RPL38: variants seen among roughly 807,000 people sequenced by gnomAD.
RPL38 encodes the protein ribosomal protein L38, also known as large ribosomal subunit protein eL38.
RPL38 carries 2 observed loss-of-function variants against 12.8 expected under a neutral mutation model. The ratio of observed to expected loss-of-function variants is 0.16; its 90% CI spans 0.06 to 0.49. The LOEUF (loss-of-function observed/expected upper bound fraction) is 0.49, where lower values mean the gene tolerates loss of function less well. Among genes scored for constraint, RPL38 ranks in the 20% least tolerant of loss-of-function variants. RPL38 has a pLI of 0.96. For missense variants in RPL38, 52 were observed against 79.8 expected, an observed-to-expected ratio of 0.65 and a Z score of 1.33; for synonymous variants, 42 against 30.1, an observed-to-expected ratio of 1.39 and a Z score of -1.29.
intron 3 of RPL38, among the ~76,000 whole-genome samples, chr17:74,208,725 A>G (rs1163304546): frequency 1.3e-5 from 2 of 152,196 alleles, no homozygotes; most frequent in Non-Finnish European, 2.9e-5. Flanking sequence ...CACGAGGTCC[A>G]GAGATTAAGA....
chr17:74,204,051 G>A (rs771521985), intron 2 of RPL38, 79 bp from the exon 3 acceptor site: 6 of 1,609,136 alleles, frequency 3.7e-6, no homozygotes, highest in Admixed American at 1.7e-5. Flanking sequence ...TCCTGAGGCC[G>A]GGAGAAGCTG....
rs149930757 is a variant in RPL38 at position 74,209,890 on chromosome 17, G to A, written c.*61G>A. ...ATACTAAAAATCCTAAGTGTCTTTCGTCTTTGCGGATGGGAAAGGGAAAAA... is the reference window on the plus strand; with the variant it reads ...ATACTAAAAATCCTAAGTGTCTTTCATCTTTGCGGATGGGAAAGGGAAAAA... On this transcript the variant is annotated 3_prime_UTR_variant, in exon 5 of 5. Transcript: ENST00000311111. 1.4e-4 allele frequency: 203 copies of A among 1,452,316 alleles called. No individual in the cohort carries two copies. The African/African-American group carries it at 2.4e-3, about 17-fold the overall frequency. 90.0% of individuals were successfully genotyped at this position (1,452,316 alleles called of 1,614,324 possible).
Position 74,204,165 on chromosome 17 carries a change from C to T in RPL38, c.39C>T (p.Leu13=), listed in dbSNP as rs149248512. ...RKIEEIKDFL[L]TARRKDAKSV... is the part of the protein sequence containing the mutation. The stretch of plus-strand genomic sequence containing the variant: ...TTGAGGAAATCAAGGACTTCCTGCT[C>T]ACAGCCCGACGAAAGGATGCCAAAT... The change falls in exon 3 of 5, where the codon CTC becomes CTT. Residue 13 remains leucine, a synonymous_variant. Transcript: ENST00000311111. 4,823 of 1,614,114 alleles carry T rather than the reference C, an allele frequency of 3.0e-3. 11 individuals carry two copies. Among genetic ancestry groups the T allele is most frequent in the East Asian group, 5.2e-3 (235 of 44,866 alleles).
At chr17:74,204,087 G>A in intron 2 of RPL38, 43 bp from the exon 3 acceptor site, 1 of 1,612,710 alleles carries the variant, frequency 6.2e-7, no homozygotes, top group Non-Finnish European at 8.5e-7. Flanking sequence ...GCCGGGAGAC[G>A]TGTCTCTTTC....
chr17:74,205,917 G>A (rs948462048), intron 3 of RPL38: 1 of 152,188 alleles, frequency 6.6e-6, no homozygotes, highest in Non-Finnish European at 1.5e-5. Flanking sequence ...CTACTCAGGA[G>A]GCTGAGGCAG....
intron 3 of RPL38, 200 bp downstream of exon 3, chr17:74,204,390 A>G (rs2050091729): frequency 6.8e-6 from 4 of 588,198 alleles, no homozygotes; most frequent in Non-Finnish European, 1.2e-5. Context: ...TTCTAGGACC[A>G]TCTTTAGCTA....
Position 74,209,250 on chromosome 17 carries a change from A to G in RPL38, c.128A>G (p.Tyr43Cys). 1 of 1,614,130 alleles carries G rather than the reference A, an allele frequency of 6.2e-7. No individual in the cohort carries two copies. Among genetic ancestry groups the G allele is most frequent in the Non-Finnish European group, 8.5e-7 (1 of 1,180,022 alleles). ...AAAGTTCGATGCAGCAGATACCTTT[A>G]CACCCTGGTCATCACTGACAAAGAG... The part of the protein sequence containing the change: ...KFKVRCSRYL[Y>C]TLVITDKEKA... The change falls in exon 4 of 5, where the codon TAC (tyrosine) becomes TGC (cysteine). Residue 43 changes from tyrosine to cysteine, a missense_variant. Coordinates refer to ENST00000311111, the MANE Select transcript of RPL38 (RefSeq NM_000999.4).
intron 3 of RPL38, chr17:74,205,473 A>G (rs1301077157): frequency 6.6e-6 from 1 of 152,140 alleles, no homozygotes; most frequent in Non-Finnish European, 1.5e-5. Context: ...GTAGGCAGAG[A>G]TGGGGGTCAT....
intron 4 of RPL38, 112 bp from the exon 5 acceptor site, chr17:74,209,692 A>C (rs957710865): frequency 1.1e-6 from 1 of 896,748 alleles, no homozygotes; most frequent in African/African-American, 1.7e-5. Flanking sequence ...TCGCTGGTGG[A>C]TCTAATTTCT....
chr17:74,204,097 C>G lies in RPL38; in HGVS notation c.4-33C>G, dbSNP rs142951724. 6,274 of 1,613,694 alleles carry G rather than the reference C, an allele frequency of 3.9e-3. 129 individuals are homozygous for G. In the African/African-American group the frequency reaches 0.049, roughly 13 times the overall value. On this transcript the variant is annotated intron_variant, in intron 2 of 4. Coordinates refer to ENST00000311111, the MANE Select transcript of RPL38 (RefSeq NM_000999.4). ...CCATCGCCGGGAGACGTGTCTCTTT[C>G]CTCTCTGTTCACCCGCTTCCTTTGT...
chr17:74,204,397 G>A, intron 3 of RPL38: 2 of 583,290 alleles, frequency 3.4e-6, no homozygotes, highest in Non-Finnish European at 3.1e-6. Context: ...ACCATCTTTA[G>A]CTAATCGCGA....
Position 74,209,894 on chromosome 17 carries a change from T to C in RPL38, c.*65T>C. On this transcript the variant is annotated 3_prime_UTR_variant, in exon 5 of 5. Coordinates refer to ENST00000311111, the MANE Select transcript of RPL38 (RefSeq NM_000999.4). The stretch of plus-strand genomic sequence containing the variant: ...TAAAAATCCTAAGTGTCTTTCGTCT[T>C]TGCGGATGGGAAAGGGAAAAATGCT... 7.0e-7 allele frequency: 1 copy of C among 1,429,208 alleles called. No homozygotes were observed. The highest frequency in any genetic ancestry group is 9.9e-7 in the Non-Finnish European group (1 of 1,012,842). The allele number at this position is 1,429,208 out of a possible 1,614,324, so 88.5% of individuals were successfully genotyped here.
chr17:74,204,251 C>T (rs776891122), intron 3 of RPL38, 61 bp downstream of exon 3: 4 of 1,476,330 alleles, frequency 2.7e-6, no homozygotes, highest in Admixed American at 1.7e-5. Flanking sequence ...GCTCCGGGAG[C>T]GTCTTCCCCG....
At chr17:74,206,607 C>G (rs1035551381) in intron 3 of RPL38, among the ~76,000 whole-genome samples, 2 of 152,158 alleles carry the variant, frequency 1.3e-5, no homozygotes, top group African/African-American at 4.8e-5. Flanking sequence ...CTCTGGATAC[C>G]CCATACAAGT....
intron 4 of RPL38, 21 bp from the exon 5 acceptor site, chr17:74,209,783 C>CT: frequency 6.2e-7 from 1 of 1,611,468 alleles, no homozygotes; most frequent in Non-Finnish European, 8.5e-7. Flanking sequence ...GGATGGCTTA[C>CT]TTTTGTCTCT....
intron 2 of RPL38, 32 bp from the exon 3 acceptor site, chr17:74,204,098 C>G (rs890010379): frequency 6.2e-7 from 1 of 1,613,834 alleles, no homozygotes; most frequent in South Asian, 1.1e-5. Flanking sequence ...TGTCTCTTTC[C>G]TCTCTGTTCA....
At position 74,204,209 on chromosome 17, in the gene RPL38, G is replaced by A. The variant is rs1380461222; in HGVS notation, c.64+19G>A. On this transcript the variant is annotated intron_variant, in intron 3 of 4. Coordinates refer to ENST00000311111, the MANE Select transcript of RPL38 (RefSeq NM_000999.4). ...GCCAAATGTAAGTGGTTGCTCCGAAGGTTCAAGAAGAGCGGTGCCTAGCCT... is the reference window on the plus strand; with the variant it reads ...GCCAAATGTAAGTGGTTGCTCCGAAAGTTCAAGAAGAGCGGTGCCTAGCCT... The A allele has an allele frequency of 1.2e-6, 2 of 1,612,882 alleles. No homozygotes were observed. The highest frequency in any genetic ancestry group is 1.7e-6 in the Non-Finnish European group (2 of 1,178,888).
chr17:74,208,488 C>T (rs993407258), intron 3 of RPL38, among the ~76,000 whole-genome samples: 3 of 152,164 alleles, frequency 2.0e-5, no homozygotes, highest in African/African-American at 4.8e-5. Context: ...GTGTTGTGCG[C>T]AGTGGCTGGA....
chr17:74,204,073 C>T (rs776528770), intron 2 of RPL38, 57 bp from the exon 3 acceptor site: 32 of 1,609,890 alleles, frequency 2.0e-5, no homozygotes, highest in Middle Eastern at 1.6e-4. Context: ...TGGACTGGGC[C>T]ATCGCCGGGA....
Sources: gnomAD v4.1 joint callset for allele counts (sites outside exome capture counted in the v4.1 genomes callset) on GRCh38, gnomAD v4.1.1 for gene constraint, MANE v1.5 for transcripts, NCBI Gene and HGNC (gene_info 2026-07-23, HGNC 2026-07-21) for gene names.